Variants in NEK4 observed in about 807,000 individuals in gnomAD.
NEK4 encodes the protein serine/threonine-protein kinase Nek4.
Under a neutral mutation model 98.4 loss-of-function variants are expected in NEK4, and 86 were observed. That is an observed-to-expected ratio of 0.87 (90% CI 0.73 to 1.05). NEK4 has a LOEUF of 1.05. Ranked by LOEUF, NEK4 falls within the 50% of genes least tolerant of loss-of-function variation. The probability of loss-of-function intolerance (pLI) is 0.00; values close to 1 mark genes in which losing one functional copy is unlikely to be tolerated. For missense variants in NEK4, 898 were observed against 950.3 expected (o/e 0.94, Z 0.72); for synonymous variants, 328 against 342.2 (o/e 0.96, Z 0.46).
chr3:52,753,448 G>C, intron 6 of NEK4: 2 of 375,244 alleles, frequency 5.3e-6, no homozygotes, highest in Non-Finnish European at 1.0e-5. Context: ...ACAATGCCCG[G>C]AAGGCTGGTA....
At chr3:52,720,747 A>G (rs907212796) in intron 15 of NEK4, among the ~76,000 whole-genome samples, 3 of 152,262 alleles carry the variant, frequency 2.0e-5, no homozygotes, top group South Asian at 2.1e-4. Flanking sequence ...GCAGACCCAC[A>G]TTACAGGAAA....
chr3:52,769,562 C>T (rs1698703846), intron 1 of NEK4, among the ~76,000 whole-genome samples: 2 of 152,098 alleles, frequency 1.3e-5, no homozygotes, highest in South Asian at 4.2e-4. Context: ...TATCATCAGC[C>T]CCAAAATCCA....
chr3:52,764,011 G>A (rs576195968), intron 4 of NEK4, among the ~76,000 whole-genome samples: 4 of 152,328 alleles, frequency 2.6e-5, no homozygotes, highest in South Asian at 4.1e-4. Flanking sequence ...AGGGCCAGTC[G>A]CAGTGGCTTA....
chr3:52,731,913 T>A (rs1480500478), intron 15 of NEK4, among the ~76,000 whole-genome samples: 1 of 152,204 alleles, frequency 6.6e-6, no homozygotes, highest in East Asian at 1.9e-4. Flanking sequence ...GCGGTTCTCA[T>A]GATAGTGAGT....
At chr3:52,718,472 C>CAAAAAA (rs35974184) in intron 15 of NEK4, among the ~76,000 whole-genome samples, 2 of 92,432 alleles carry the variant, frequency 2.2e-5, no homozygotes, top group African/African-American at 4.0e-5. Flanking sequence ...GACTCCGTCT[C>CAAAAAA]AAAAAAAAAA....
At chr3:52,712,130 G>A (rs547864632) in intron 15 of NEK4, among the ~76,000 whole-genome samples, 56 of 152,248 alleles carry the variant, frequency 3.7e-4, no homozygotes, top group African/African-American at 1.3e-3. Flanking sequence ...TATATAAAGA[G>A]TTCTTTGAAT....
intron 4 of NEK4, among the ~76,000 whole-genome samples, chr3:52,765,438 G>C (rs992025191): frequency 6.6e-6 from 1 of 151,428 alleles, no homozygotes; most frequent in Admixed American, 6.6e-5. Context: ...AACATACAAA[G>C]CCAGTCACTC....
At chr3:52,743,131 A>G (rs2097389584) in intron 12 of NEK4, 1 of 453,480 alleles carries the variant, frequency 2.2e-6, no homozygotes. Flanking sequence ...TAATTAGGCT[A>G]TCAATTGTTT....
At chr3:52,758,178 C>CAAAAAAAAA (rs35117059) in intron 6 of NEK4, among the ~76,000 whole-genome samples, 31 of 62,760 alleles carry the variant, frequency 4.9e-4, no homozygotes, top group East Asian at 1.5e-3. Context: ...GACACCATCT[C>CAAAAAAAAA]AAAAAAAAAA....
At chr3:52,761,977 G>C (rs1023680294) in intron 5 of NEK4, among the ~76,000 whole-genome samples, 1 of 152,196 alleles carries the variant, frequency 6.6e-6, no homozygotes, top group African/African-American at 2.4e-5. Flanking sequence ...GGAGCATGGA[G>C]ATCAGTACAC....
rs1342735480 is a variant in NEK4 at position 52,710,034 on chromosome 3, C to CA, written c.*1742dup. ...TCACCACTATATCCCCAGCTCCTGG[C>CA]AGAGAACCTGGCACACAGTAAACTC... is the stretch of plus-strand genomic sequence containing the variant. On this transcript the variant is annotated 3_prime_UTR_variant, in exon 16 of 16. Coordinates refer to ENST00000233027, the MANE Select transcript of NEK4 (RefSeq NM_003157.6). 2 of 152,214 alleles carry CA rather than the reference C, an allele frequency of 1.3e-5. No individual in the cohort carries two copies. Among genetic ancestry groups the CA allele is most frequent in the Non-Finnish European group, 2.9e-5 (2 of 68,072 alleles). 9.4% of individuals were successfully genotyped at this position (152,214 alleles called of 1,614,324 possible).
chr3:52,767,449 C>T (rs1166488514), intron 2 of NEK4, among the ~76,000 whole-genome samples: 3 of 151,568 alleles, frequency 2.0e-5, no homozygotes, highest in African/African-American at 7.3e-5. Flanking sequence ...TGGTGGCTCA[C>T]GCCTATAATC....
rs1559451709 is a variant in NEK4 at position 52,766,192 on chromosome 3, G to A, written c.544C>T (p.Pro182Ser). ...YMSPELFSNK[P>S]YNYKSDVWAL... ...CCCAATCCTACCTTATAGTTGTAGGGTTTGTTTGAGAACAATTCAGGGCTC... is the reference window on the plus strand; with the variant it reads ...CCCAATCCTACCTTATAGTTGTAGGATTTGTTTGAGAACAATTCAGGGCTC... The change falls in exon 3 of 16, where the codon CCC becomes TCC. Residue 182 changes from proline to serine, a missense_variant. By Grantham distance (74) the Pro-to-Ser change is moderately conservative. Coordinates refer to ENST00000233027, the MANE Select transcript of NEK4 (RefSeq NM_003157.6). 1.9e-6 allele frequency: 3 copies of A among 1,613,896 alleles called. No homozygotes were observed. The Admixed American group carries it at 5.0e-5, about 27-fold the overall frequency.
chr3:52,712,316 TG>T (rs2097351175), intron 15 of NEK4, among the ~76,000 whole-genome samples: 1 of 152,166 alleles, frequency 6.6e-6, no homozygotes, highest in Non-Finnish European at 1.5e-5. Context: ...GGGCGTGCAA[TG>T]GGGGTGTGGC....
chr3:52,712,178 A>G, intron 15 of NEK4, among the ~76,000 whole-genome samples: 1 of 152,258 alleles, frequency 6.6e-6, no homozygotes, highest in East Asian at 1.9e-4. Context: ...GTAAAACAAA[A>G]TCAATTTCAT....
chr3:52,752,208 G>T lies in NEK4; in HGVS notation c.1092C>A (p.Ser364Arg). 1.2e-6 allele frequency: 2 copies of T among 1,614,092 alleles called. No individual in the cohort carries two copies. Among genetic ancestry groups the T allele is most frequent in the Non-Finnish European group, 1.7e-6 (2 of 1,180,022 alleles). Residue 364 changes from serine (S) to arginine (R), a missense_variant, in exon 7 of 16, where the codon AGC becomes AGA. Ser to Arg is a moderately radical substitution (Grantham distance 110). Transcript: ENST00000233027. The stretch of plus-strand genomic sequence containing the variant: ...TTGCAGGTAAGATGTCAATATTTAC[G>T]CTACTGATTGTGGCTAGTTCTGTGG... ...SNTTELATISSVNIDILPAKG... is the reference protein window; with the variant it reads ...SNTTELATISRVNIDILPAKG...
At chr3:52,734,480 C>G (rs2097373166) in intron 15 of NEK4, among the ~76,000 whole-genome samples, 1 of 146,362 alleles carries the variant, frequency 6.8e-6, no homozygotes, top group Non-Finnish European at 1.5e-5. Flanking sequence ...CGAGACCATC[C>G]TGGCCAACAT....
At position 52,766,418 on chromosome 3, in the gene NEK4, A is replaced by C. The variant is rs181176556; in HGVS notation, c.361-43T>G. On this transcript the variant is annotated intron_variant, in intron 2 of 15. Coordinates refer to ENST00000233027, the MANE Select transcript of NEK4 (RefSeq NM_003157.6). The stretch of plus-strand genomic sequence containing the variant: ...ATTTTATTACATATAAATAGACTTA[A>C]TTATGTATTTATTCCTGGCTTATTA... The C allele has an allele frequency of 1.9e-4, 267 of 1,393,220 alleles. No individual in the cohort carries two copies. The African/African-American group carries it at 3.0e-3, about 16-fold the overall frequency. The allele number at this position is 1,393,220 out of a possible 1,614,324, so 86.3% of individuals were successfully genotyped here.
At chr3:52,767,437 C>A (rs757895619) in intron 2 of NEK4, among the ~76,000 whole-genome samples, 27 of 151,758 alleles carry the variant, frequency 1.8e-4, no homozygotes, top group Middle Eastern at 6.9e-3. Flanking sequence ...CTCAGCCGGG[C>A]GTGGTGGCTC....
Sources: gnomAD v4.1 joint callset for allele counts (sites outside exome capture counted in the v4.1 genomes callset) on GRCh38, gnomAD v4.1.1 for gene constraint, MANE v1.5 for transcripts, NCBI Gene and HGNC (gene_info 2026-07-23, HGNC 2026-07-21) for gene names.